DSCAML1: variants seen among roughly 807,000 people sequenced by gnomAD.
DSCAML1 encodes cell adhesion molecule DSCAML1.
Under a neutral mutation model 200.5 loss-of-function variants are expected in DSCAML1, and 38 were observed. The ratio of observed to expected loss-of-function variants is 0.19; its 90% CI spans 0.15 to 0.25. The LOEUF (loss-of-function observed/expected upper bound fraction) is 0.25. DSCAML1 is among the 10% of genes least tolerant of loss of function. The probability of loss-of-function intolerance (pLI) is 1.00; values close to 1 mark genes in which losing one functional copy is unlikely to be tolerated. For synonymous variants in DSCAML1, 1,215 were observed against 1,165.0 expected, an observed-to-expected ratio of 1.04 and a Z score of -0.87; for missense variants, 2,223 against 2,858.8, an observed-to-expected ratio of 0.78 and a Z score of 5.07.
intron 3 of DSCAML1, among the ~76,000 whole-genome samples, chr11:117,753,423 A>C (rs933423291): frequency 4.6e-5 from 7 of 152,214 alleles, no homozygotes; most frequent in Admixed American, 1.3e-4. Flanking sequence ...CTTCACTTGT[A>C]AAATGAGAGT....
At chr11:117,791,139 ACACAGGCTGTGGAGCC>A (rs2055458356) in intron 1 of DSCAML1, among the ~76,000 whole-genome samples, 2 of 152,262 alleles carry the variant, frequency 1.3e-5, no homozygotes, top group South Asian at 4.2e-4. Flanking sequence ...TTAACAAGGC[ACACAGGCTGTGGAGCC>A]CACAGCCTCC....
At chr11:117,508,952 G>A (rs1047390791) in intron 8 of DSCAML1, among the ~76,000 whole-genome samples, 4 of 152,152 alleles carry the variant, frequency 2.6e-5, no homozygotes, top group African/African-American at 9.7e-5. Context: ...AATGGAGCAA[G>A]TTACTAAGGC....
chr11:117,460,028 A>T (rs2048448233), intron 18 of DSCAML1, among the ~76,000 whole-genome samples: 2 of 152,238 alleles, frequency 1.3e-5, no homozygotes, highest in Non-Finnish European at 2.9e-5. Context: ...GAGCCAGAGA[A>T]AGGGCAGGAA....
intron 1 of DSCAML1, among the ~76,000 whole-genome samples, chr11:117,815,936 T>A (rs968691559): frequency 6.6e-6 from 1 of 151,732 alleles, no homozygotes; most frequent in African/African-American, 2.4e-5. Flanking sequence ...CCAAAACGGG[T>A]TGGGGAGCTG....
intron 3 of DSCAML1, among the ~76,000 whole-genome samples, chr11:117,646,334 A>G (rs2052522432): frequency 6.6e-6 from 1 of 152,050 alleles, no homozygotes; most frequent in Non-Finnish European, 1.5e-5. Flanking sequence ...AGCTCTCGAG[A>G]TGGAGCCCTC....
At chr11:117,565,987 C>T (rs1355367665) in intron 3 of DSCAML1, among the ~76,000 whole-genome samples, 1 of 152,198 alleles carries the variant, frequency 6.6e-6, no homozygotes, top group African/African-American at 2.4e-5. Flanking sequence ...CAAAGTGGGG[C>T]CTGAGGACTG....
In DSCAML1 at chr11:117,727,997, G is replaced by C. The variant is rs558076956; in HGVS notation, c.511+48794C>G. 1.7e-3 allele frequency among the ~76,000 whole-genome samples: 260 copies of C among 152,328 alleles called. 2 individuals carry two copies. Among genetic ancestry groups the C allele is most frequent in the Non-Finnish European group, 2.8e-3 (193 of 68,034 alleles). On this transcript the variant is annotated intron_variant, in intron 3 of 32. Transcript: ENST00000651296. The stretch of plus-strand genomic sequence containing the variant: ...TTTTAGGAGGAGGGAGCAGTGATTT[G>C]CTGTCCCTAAGAAATCCTGACATCA...
At chr11:117,809,893 A>C (rs1257602631) in intron 1 of DSCAML1, among the ~76,000 whole-genome samples, 3 of 150,476 alleles carry the variant, frequency 2.0e-5, no homozygotes, top group South Asian at 2.1e-4. Context: ...ACACACACAC[A>C]CCCACACACT....
chr11:117,799,925 C>T (rs902609359), upstream of DSCAML1, among the ~76,000 whole-genome samples: 5 of 152,222 alleles, frequency 3.3e-5, no homozygotes, highest in South Asian at 2.1e-4. Flanking sequence ...AACAGCTCCA[C>T]TGGGGGAATG....
chr11:117,771,025 G>T (rs1439556151), intron 3 of DSCAML1, among the ~76,000 whole-genome samples: 1 of 152,138 alleles, frequency 6.6e-6, no homozygotes, highest in Non-Finnish European at 1.5e-5. Context: ...ATCCATAAAT[G>T]CAGAGGCTGA....
At chr11:117,812,943 G>A (rs2055773616) in intron 1 of DSCAML1, among the ~76,000 whole-genome samples, 1 of 151,814 alleles carries the variant, frequency 6.6e-6, no homozygotes, top group Non-Finnish European at 1.5e-5. Flanking sequence ...AATACTTTTA[G>A]AGGCCTTTCC....
intron 3 of DSCAML1, among the ~76,000 whole-genome samples, chr11:117,633,169 G>A (rs2052208566): frequency 6.6e-6 from 1 of 151,996 alleles, no homozygotes; most frequent in Admixed American, 6.5e-5. Flanking sequence ...TCTGGGGACA[G>A]TGTGTGTCTC....
intron 21 of DSCAML1, 43 bp downstream of exon 21, chr11:117,443,843 T>C (rs776577389): frequency 6.5e-7 from 1 of 1,536,352 alleles, no homozygotes; most frequent in Non-Finnish European, 8.8e-7. Flanking sequence ...TAAGGGAGCT[T>C]TTGGAAGTGT....
Position 117,781,824 on chromosome 11 carries a change from C to T in DSCAML1, c.47-1014G>A, listed in dbSNP as rs890336080. ...ACATGGGAGAATGTTCTTATGATTACAGCTGGCAGTGGCAGGGCCACCTGA... is the reference window on the plus strand; with the variant it reads ...ACATGGGAGAATGTTCTTATGATTATAGCTGGCAGTGGCAGGGCCACCTGA... On this transcript the variant is annotated intron_variant, in intron 1 of 32. Transcript: ENST00000651296. 2.6e-5 allele frequency among the ~76,000 whole-genome samples: 4 copies of T among 152,380 alleles called. No individual in the cohort carries two copies. In the South Asian group the frequency reaches 8.3e-4, roughly 32 times the overall value.
chr11:117,518,541 C>T lies in DSCAML1; in HGVS notation c.1435G>A (p.Asp479Asn), dbSNP rs200319287. 2.4e-5 allele frequency: 39 copies of T among 1,614,080 alleles called. No individual in the cohort carries two copies. Among genetic ancestry groups the T allele is most frequent in the South Asian group, 2.2e-5 (2 of 91,084 alleles). Residue 479 changes from aspartate to asparagine, a missense_variant, in exon 7 of 33, where the codon GAC becomes AAC. By Grantham distance (23) the Asp-to-Asn change is conservative (BLOSUM62 1). Coordinates refer to ENST00000651296, the MANE Select transcript of DSCAML1 (RefSeq NM_020693.4). The surrounding 1 kb of genome is among the most constrained non-coding windows in gnomAD (Gnocchi z 6.3). The stretch of plus-strand genomic sequence containing the variant: ...GCTGTGCACCGGTACACGCCCCCGT[C>T]GCGGATCTGGGGGCCTGTGACGTTC... Reference protein sequence around the residue: ...HMNVTGPQIRDGGVYRCTARN... With the variant: ...HMNVTGPQIRNGGVYRCTARN...
chr11:117,542,350 CAACAAAAAA>C lies in DSCAML1; in HGVS notation c.512-9837_512-9829del, dbSNP rs1477894819. The stretch of plus-strand genomic sequence containing the variant: ...AACACAAAAACAACAACAACAACAA[CAACAAAAAA>C]AAAACAGTGCAGGCGATGTAGTGCT... On this transcript the variant is annotated intron_variant, in intron 3 of 32. Coordinates refer to ENST00000651296, the MANE Select transcript of DSCAML1 (RefSeq NM_020693.4). 7.3e-5 allele frequency among the ~76,000 whole-genome samples: 11 copies of C among 151,054 alleles called. No homozygotes were observed. The South Asian group carries it at 1.3e-3, about 17-fold the overall frequency.
chr11:117,650,118 T>C (rs2052600002), intron 3 of DSCAML1, among the ~76,000 whole-genome samples: 1 of 152,198 alleles, frequency 6.6e-6, no homozygotes, highest in African/African-American at 2.4e-5. Context: ...GGCTCCTCAC[T>C]GGCATTATCT....
intron 21 of DSCAML1, among the ~76,000 whole-genome samples, chr11:117,441,150 G>A (rs920013111): frequency 6.6e-6 from 1 of 152,158 alleles, no homozygotes; most frequent in Admixed American, 6.5e-5. Context: ...GGAAGAGAGC[G>A]GGGAGGGAAG....
intron 6 of DSCAML1, among the ~76,000 whole-genome samples, chr11:117,520,037 T>C (rs1356295619): frequency 6.6e-6 from 1 of 152,184 alleles, no homozygotes; most frequent in African/African-American, 2.4e-5. Context: ...CAGAATTGTG[T>C]TGTGTTTGTT....
Sources: gnomAD v4.1 joint callset for allele counts (sites outside exome capture counted in the v4.1 genomes callset) on GRCh38, gnomAD v4.1.1 for gene constraint, Gnocchi (gnomAD v3.1) non-coding constraint, MANE v1.5 for transcripts, NCBI Gene and HGNC (gene_info 2026-07-23, HGNC 2026-07-21) for gene names.